Variants in RBM33 observed in about 807,000 individuals in gnomAD.
RBM33 encodes the protein RNA binding motif protein 33.
RBM33 carries 28 observed loss-of-function variants against 132.6 expected under a neutral mutation model. That is an observed-to-expected ratio of 0.21 (90% CI 0.16 to 0.29). RBM33 has a LOEUF of 0.29. Among genes scored for constraint, RBM33 ranks in the 10% least tolerant of loss-of-function variants. The pLI, the probability that RBM33 is intolerant of heterozygous loss-of-function variation, is 1.00. For synonymous variants in RBM33, 634 were observed against 593.0 expected (o/e 1.07, Z -1.01); for missense variants, 1,291 against 1,518.5 (o/e 0.85, Z 2.49).
intron 5 of RBM33, among the ~76,000 whole-genome samples, chr7:155,692,037 TGA>T (rs1303864575): frequency 6.8e-6 from 1 of 147,924 alleles, no homozygotes; most frequent in African/African-American, 2.5e-5. Context: ...GGTGACAGAG[TGA>T]GACCCTCTGT....
chr7:155,703,923 A>G (rs1800037041), intron 6 of RBM33, among the ~76,000 whole-genome samples: 1 of 152,106 alleles, frequency 6.6e-6, no homozygotes, highest in Admixed American at 6.5e-5. Flanking sequence ...CCACCAGAGT[A>G]CCTGTTGTCT....
intron 12 of RBM33, 120 bp from the exon 13 acceptor site, chr7:155,741,699 C>G (rs189007884): frequency 2.1e-6 from 2 of 969,074 alleles, no homozygotes; most frequent in Non-Finnish European, 1.5e-6. Flanking sequence ...ATCTGCTCCC[C>G]AAAAGAAGTC....
At chr7:155,678,543 T>C in intron 3 of RBM33, 65 bp from the exon 4 acceptor site, 1 of 1,002,080 alleles carries the variant, frequency 1.0e-6, no homozygotes, top group Non-Finnish European at 1.5e-6. Flanking sequence ...AGTGTAATTT[T>C]GTGCTTTTTA....
chr7:155,653,813 A>G (rs1798420732), intron 1 of RBM33, among the ~76,000 whole-genome samples: 1 of 152,154 alleles, frequency 6.6e-6, no homozygotes, highest in East Asian at 1.9e-4. Flanking sequence ...AGTAATAGCA[A>G]TGGGGGGAGG....
At chr7:155,766,416 C>G (rs28529313) in intron 15 of RBM33, 51 bp from the exon 16 acceptor site, 261,743 of 1,578,404 alleles carry the variant, frequency 0.17, 22,611 homozygotes, top group East Asian at 0.28. Flanking sequence ...TAGTGACTAT[C>G]GAAGAAGCTC....
At chr7:155,707,894 A>G (rs1271987764) in intron 7 of RBM33, among the ~76,000 whole-genome samples, 1 of 152,178 alleles carries the variant, frequency 6.6e-6, no homozygotes, top group Non-Finnish European at 1.5e-5. Context: ...TCCTGACCTC[A>G]AGTGATCCAT....
At chr7:155,681,062 A>G (rs1221952800) in intron 5 of RBM33, among the ~76,000 whole-genome samples, 154 bp downstream of exon 5, 8 of 152,160 alleles carry the variant, frequency 5.3e-5, no homozygotes, top group African/African-American at 1.2e-4. Flanking sequence ...AGCTATGACA[A>G]AGTTTGTGTT....
chr7:155,690,111 CTT>C lies in RBM33; in HGVS notation c.567+9205_567+9206del, dbSNP rs554792404. Among the ~76,000 whole-genome samples, 11 of 152,264 alleles carry C rather than the reference CTT, an allele frequency of 7.2e-5. No individual in the cohort carries two copies. In the South Asian group the frequency reaches 2.3e-3, roughly 32 times the overall value. The stretch of plus-strand genomic sequence containing the variant: ...TATTATTGTGTGGGAGTCTAAGTCT[CTT>C]TGTAGGTCTCTCAGGACTTGCTTTA... On this transcript the variant is annotated intron_variant, in intron 5 of 17. Transcript: ENST00000401878.
Position 155,745,652 on chromosome 7 carries a change from G to GACTCA in RBM33, c.2979+51_2979+52insCTCAA. Reference sequence around the variant, plus strand: ...CCTCTTTGAGTCTGTGTATCACATAGAATGTCCTCATTTGCAGAGAATGTT... The same window carrying GACTCA: ...CCTCTTTGAGTCTGTGTATCACATAGACTCAAATGTCCTCATTTGCAGAGAATGTT... On this transcript the variant is annotated intron_variant, in intron 14 of 17. Transcript: ENST00000401878. This position sits in a 1 kb window ranked among gnomAD's most constrained non-coding sequence, Gnocchi z 4.1. 6.9e-7 allele frequency: 1 copy of GACTCA among 1,445,252 alleles called. No individual in the cohort carries two copies. The highest frequency in any genetic ancestry group is 1.4e-5 in the South Asian group (1 of 70,232). The allele number at this position is 1,445,252 out of a possible 1,614,324, so 89.5% of individuals were successfully genotyped here. A position where few individuals can be genotyped will look rare whatever the true frequency, so the allele number is the denominator to read the frequency against.
At position 155,644,924 on chromosome 7, in the gene RBM33, G is replaced by C. The variant is rs1050280658; in HGVS notation, c.43+5G>C. 1 of 1,496,546 alleles carries C rather than the reference G, an allele frequency of 6.7e-7. No homozygotes were observed. The highest frequency in any genetic ancestry group is 8.9e-7 in the Non-Finnish European group (1 of 1,128,622). 92.7% of individuals were successfully genotyped at this position (1,496,546 alleles called of 1,614,324 possible). Reference sequence around the variant, plus strand: ...GCGGAGGAGCAGGCGCCGGAGGTACGTGAGGCAGCCGGACTCTGGGGGCCA... The same window carrying C: ...GCGGAGGAGCAGGCGCCGGAGGTACCTGAGGCAGCCGGACTCTGGGGGCCA... On this transcript the variant is annotated splice_donor_5th_base_variant and intron_variant, in intron 1 of 17. Transcript: ENST00000401878.
chr7:155,741,557 C>T (rs1285794545), intron 12 of RBM33, among the ~76,000 whole-genome samples: 1 of 152,054 alleles, frequency 6.6e-6, no homozygotes, highest in Non-Finnish European at 1.5e-5. Flanking sequence ...GGTGTAATTT[C>T]TATGAAGAGG....
chr7:155,733,942 T>TAGAA, intron 9 of RBM33, among the ~76,000 whole-genome samples: 1 of 152,254 alleles, frequency 6.6e-6, no homozygotes, highest in East Asian at 1.9e-4. Context: ...CATTTAATTC[T>TAGAA]GTCAGTCTCT....
chr7:155,688,433 T>G (rs939043967), intron 5 of RBM33, among the ~76,000 whole-genome samples: 3 of 152,322 alleles, frequency 2.0e-5, no homozygotes, highest in African/African-American at 7.2e-5. Context: ...CAGGGACAAT[T>G]TGACTTCCTC....
chr7:155,673,940 G>GTTGTTTTTTTTTTT, intron 3 of RBM33, among the ~76,000 whole-genome samples: 2 of 54,214 alleles, frequency 3.7e-5, no homozygotes, highest in African/African-American at 1.7e-4. Flanking sequence ...TTTAGGCTTA[G>GTTGTTTTTTTTTTT]TTTTTTTTTT....
intron 2 of RBM33, 106 bp downstream of exon 2, chr7:155,665,359 G>A (rs909198334): frequency 7.3e-6 from 7 of 955,270 alleles, no homozygotes; most frequent in South Asian, 4.1e-5. Flanking sequence ...ACTACCTGGC[G>A]CTCTCTCTTG....
In RBM33 at chr7:155,775,326, G is replaced by A; in HGVS notation, c.*285G>A. On this transcript the variant is annotated 3_prime_UTR_variant, in exon 18 of 18. Transcript: ENST00000401878. ...TGTTTTCAAAGTGCTTACAATGCAT[G>A]TAGACATTGTTCTTTGTGGTCTGAC... is the stretch of plus-strand genomic sequence containing the variant. 1.8e-6 allele frequency: 1 copy of A among 559,534 alleles called. No homozygotes were observed. The highest frequency in any genetic ancestry group is 2.0e-5 in the South Asian group (1 of 51,040). The allele number at this position is 559,534 out of a possible 1,614,324, so 34.7% of individuals were successfully genotyped here.
intron 3 of RBM33, among the ~76,000 whole-genome samples, chr7:155,677,819 A>G (rs552569266): frequency 6.6e-6 from 1 of 152,338 alleles, no homozygotes; most frequent in South Asian, 2.1e-4. Flanking sequence ...AAGAATGAAT[A>G]TGTGTGAATG....
rs1802776108 is a variant in RBM33 at position 155,780,390 on chromosome 7, T to C, written c.*5349T>C. On this transcript the variant is annotated 3_prime_UTR_variant, in exon 18 of 18. Transcript: ENST00000401878. ...CTGGGGCTTTAATTCCACTGTTTAA[T>C]TTTCAGGTACCACAGCAGCAAAGCA... 6.6e-6 allele frequency: 1 copy of C among 152,230 alleles called. No individual in the cohort carries two copies. Among genetic ancestry groups the C allele is most frequent in the African/African-American group, 2.4e-5 (1 of 41,450 alleles). 9.4% of individuals were successfully genotyped at this position (152,230 alleles called of 1,614,324 possible).
intron 5 of RBM33, among the ~76,000 whole-genome samples, chr7:155,687,859 TGCTGTTTTGGTTACTATA>T (rs1799524371): frequency 6.6e-6 from 1 of 152,220 alleles, no homozygotes; most frequent in Non-Finnish European, 1.5e-5. Flanking sequence ...ACCAGTACCA[TGCTGTTTTGGTTACTATA>T]GCCTTGTAGT....
Sources: allele counts gnomAD v4.1 joint callset (sites outside exome capture counted in the v4.1 genomes callset), GRCh38; gene constraint gnomAD v4.1.1; non-coding constraint Gnocchi (gnomAD v3.1); transcripts MANE v1.5; gene names NCBI Gene and HGNC (gene_info 2026-07-23, HGNC 2026-07-21).